CACNA1E: variants seen among roughly 807,000 people sequenced by gnomAD.
CACNA1E encodes the protein calcium voltage-gated channel subunit alpha1 E, also known as voltage-dependent R-type calcium channel subunit alpha-1E.
Under a neutral mutation model 259.2 loss-of-function variants are expected in CACNA1E, and 40 were observed. That is an observed-to-expected ratio of 0.15 (90% CI 0.12 to 0.20). The LOEUF (loss-of-function observed/expected upper bound fraction) is 0.20. CACNA1E is among the 10% of genes least tolerant of loss of function. The probability of loss-of-function intolerance (pLI) is 1.00; values close to 1 mark genes in which losing one functional copy is unlikely to be tolerated. For missense variants in CACNA1E, 1,874 were observed against 3,040.1 expected (o/e 0.62, Z 9.02); for synonymous variants, 1,104 against 1,138.5 (o/e 0.97, Z 0.61).
At chr1:181,700,071 A>C (rs1464416362) in intron 7 of CACNA1E, among the ~76,000 whole-genome samples, 2 of 152,116 alleles carry the variant, frequency 1.3e-5, no homozygotes, top group African/African-American at 4.8e-5. Context: ...CGTCACCTGG[A>C]GGGAGAATGT....
rs370456526 is a variant in CACNA1E, at chr1:181,798,375, C to T, written c.6483C>T (p.Pro2161=). Residue 2161 remains proline, a synonymous_variant, in exon 48 of 48, where the codon CCC becomes CCT. Transcript: ENST00000367573. The surrounding 1 kb of genome is among the most constrained non-coding windows in gnomAD (Gnocchi z 4.2). Reference sequence around the variant, plus strand: ...GAAGAAGTCGTCGGCAGCTCCCACCCGTCCCGCCAAAGCCCCGGCCCCTCC... The same window carrying T: ...GAAGAAGTCGTCGGCAGCTCCCACCTGTCCCGCCAAAGCCCCGGCCCCTCC... The part of the protein sequence containing the change: ...TPRRSRRQLP[P]VPPKPRPLLS... The T allele has an allele frequency of 2.3e-4, 363 of 1,612,854 alleles. 1 individual carries two copies. The highest frequency in any genetic ancestry group is 2.1e-3 in the Middle Eastern group (13 of 6,062).
rs540043788 is a variant in CACNA1E, at chr1:181,462,508, A to G, written c.435-21236A>G. ...TTTGTATAGAAAACAAGAGACACCCACGTACCCACTACCAAGATTAAATAC... is the reference window on the plus strand; with the variant it reads ...TTTGTATAGAAAACAAGAGACACCCGCGTACCCACTACCAAGATTAAATAC... On this transcript the variant is annotated intron_variant, in intron 2 of 11. Coordinates refer to the CACNA1E transcript ENST00000524607. Among the ~76,000 whole-genome samples, 15 of 152,342 alleles carry G rather than the reference A, an allele frequency of 9.8e-5. No homozygotes were observed. In the South Asian group the frequency reaches 3.1e-3, roughly 32 times the overall value.
intron 2 of CACNA1E, among the ~76,000 whole-genome samples, chr1:181,418,380 C>A (rs1658442129): frequency 6.6e-6 from 1 of 152,268 alleles, no homozygotes; most frequent in East Asian, 1.9e-4. Context: ...TTTTCCCAAT[C>A]CTTACTAAAC....
intron 3 of CACNA1E, among the ~76,000 whole-genome samples, chr1:181,525,022 G>T (rs1301539819): frequency 6.6e-6 from 1 of 152,216 alleles, no homozygotes; most frequent in African/African-American, 2.4e-5. Flanking sequence ...AAAACATTTT[G>T]CTAAGTATTG....
intron 1 of CACNA1E, among the ~76,000 whole-genome samples, chr1:181,355,275 G>A (rs767662472): frequency 3.9e-5 from 6 of 152,124 alleles, no homozygotes; most frequent in Non-Finnish European, 5.9e-5. Flanking sequence ...TCATAGGGTG[G>A]CAATAAGGGT....
At chr1:181,355,435 A>T (rs889376021) in intron 1 of CACNA1E, among the ~76,000 whole-genome samples, 1 of 152,100 alleles carries the variant, frequency 6.6e-6, no homozygotes, top group Non-Finnish European at 1.5e-5. Flanking sequence ...TAAAAATACA[A>T]AAAATAGCAG....
At chr1:181,422,361 G>A (rs539390945) in intron 2 of CACNA1E, among the ~76,000 whole-genome samples, 1 of 152,322 alleles carries the variant, frequency 6.6e-6, no homozygotes, top group South Asian at 2.1e-4. Flanking sequence ...CGTAACAGTG[G>A]CTATGGTTAT....
chr1:181,567,850 A>G (rs906631843), intron 3 of CACNA1E, among the ~76,000 whole-genome samples: 3 of 152,162 alleles, frequency 2.0e-5, no homozygotes, highest in African/African-American at 7.2e-5. Flanking sequence ...TAAAACCTTA[A>G]GTAAGGAAGA....
chr1:181,698,106 T>C (rs3766987), intron 7 of CACNA1E, among the ~76,000 whole-genome samples: 4,125 of 152,274 alleles, frequency 0.027, 175 homozygotes, highest in East Asian at 0.19. Flanking sequence ...ATCTATGAGG[T>C]GAACAGCTAG....
chr1:181,695,603 A>G (rs1441557603), intron 7 of CACNA1E, among the ~76,000 whole-genome samples: 1 of 152,200 alleles, frequency 6.6e-6, no homozygotes, highest in Non-Finnish European at 1.5e-5. Flanking sequence ...TGCAAGTTCA[A>G]TTTAGAGGGG....
chr1:181,615,088 A>G (rs1432320869), intron 6 of CACNA1E, among the ~76,000 whole-genome samples: 1 of 152,206 alleles, frequency 6.6e-6, no homozygotes, highest in Non-Finnish European at 1.5e-5. Context: ...TTATAATAAT[A>G]TTGAGTTTTC....
intron 3 of CACNA1E, among the ~76,000 whole-genome samples, chr1:181,557,900 T>C (rs1379318864): frequency 6.6e-6 from 1 of 152,194 alleles, no homozygotes; most frequent in African/African-American, 2.4e-5. Flanking sequence ...TTGAATAAGA[T>C]TCAGACAGTC....
At chr1:181,679,011 A>G (rs1340869683) in intron 7 of CACNA1E, among the ~76,000 whole-genome samples, 1 of 152,168 alleles carries the variant, frequency 6.6e-6, no homozygotes, top group Non-Finnish European at 1.5e-5. Flanking sequence ...ATCTGGTGAA[A>G]GTTCCACATT....
intron 6 of CACNA1E, among the ~76,000 whole-genome samples, chr1:181,609,520 T>C (rs565978643): frequency 1.3e-5 from 2 of 151,646 alleles, no homozygotes; most frequent in East Asian, 3.9e-4. Flanking sequence ...TGTGGCAGAG[T>C]AGAAAGAGAA....
At chr1:181,744,098 A>C (rs887451417) in intron 25 of CACNA1E, among the ~76,000 whole-genome samples, 2 of 152,264 alleles carry the variant, frequency 1.3e-5, no homozygotes, top group Non-Finnish European at 2.9e-5. Context: ...GAAAAACATG[A>C]GTCAATCTGC....
intron 2 of CACNA1E, among the ~76,000 whole-genome samples, chr1:181,474,573 CGTGTGT>C (rs1265459913): frequency 1.3e-5 from 2 of 151,872 alleles, no homozygotes; most frequent in Non-Finnish European, 2.9e-5. Context: ...TCTTTGCAAA[CGTGTGT>C]GTCATTTTCA....
At chr1:181,491,223 C>T (rs1314674898) in intron 1 of CACNA1E, among the ~76,000 whole-genome samples, 2 of 152,186 alleles carry the variant, frequency 1.3e-5, no homozygotes, top group Non-Finnish European at 2.9e-5. Flanking sequence ...TGATTTCCAT[C>T]AACATCAAGG....
At position 181,758,703 on chromosome 1, in the gene CACNA1E, C is replaced by T. The variant is rs1248463638; in HGVS notation, c.4495-55C>T. On this transcript the variant is annotated intron_variant, in intron 31 of 47. Coordinates refer to ENST00000367573, the MANE Select transcript of CACNA1E (RefSeq NM_001205293.3). This position sits in a 1 kb window ranked among gnomAD's most constrained non-coding sequence, Gnocchi z 4.2. ...ATGGCCAACCTCAGTGACATGTATT[C>T]CCCCTCTTACCTTAAGGCTGTGATT... 6 of 992,666 alleles carry T rather than the reference C, an allele frequency of 6.0e-6. No homozygotes were observed. Among genetic ancestry groups the T allele is most frequent in the Non-Finnish European group, 9.5e-6 (6 of 628,482 alleles). The allele number at this position is 992,666 out of a possible 1,614,324, so 61.5% of individuals were successfully genotyped here.
intron 25 of CACNA1E, among the ~76,000 whole-genome samples, chr1:181,742,106 C>T (rs1242545945): frequency 2.0e-5 from 3 of 152,196 alleles, no homozygotes; most frequent in Non-Finnish European, 4.4e-5. Flanking sequence ...TGGCCTTCGT[C>T]ACATTTGCTG....
Sources: gnomAD v4.1 joint callset for allele counts (sites outside exome capture counted in the v4.1 genomes callset) on GRCh38, gnomAD v4.1.1 for gene constraint, Gnocchi (gnomAD v3.1) non-coding constraint, MANE v1.5 for transcripts, NCBI Gene and HGNC (gene_info 2026-07-23, HGNC 2026-07-21) for gene names.